Variants in DNAH11 observed in about 807,000 individuals in gnomAD.
The protein encoded by DNAH11 is dynein axonemal heavy chain 11, also known as axonemal beta dynein heavy chain 11.
Under a neutral mutation model 526.0 loss-of-function variants are expected in DNAH11, and 442 were observed. The ratio of observed to expected loss-of-function variants is 0.84; its 90% CI spans 0.78 to 0.91. DNAH11 has a LOEUF of 0.91. DNAH11 is among the 40% of genes least tolerant of loss of function. The probability of loss-of-function intolerance (pLI) is 0.00; values close to 1 mark genes in which losing one functional copy is unlikely to be tolerated. For missense variants in DNAH11, 6,989 were observed against 5,448.7 expected (o/e 1.28, Z -8.90); for synonymous variants, 2,461 against 1,935.9 (o/e 1.27, Z -7.12).
intron 55 of DNAH11, among the ~76,000 whole-genome samples, chr7:21,772,413 A>G (rs11978067): frequency 0.23 from 32,325 of 139,206 alleles, 4,172 homozygotes; most frequent in Admixed American, 0.41. Context: ...TTATTTATCT[A>G]TATTGTAGAA....
chr7:21,896,076 C>T (rs563838577), intron 79 of DNAH11, among the ~76,000 whole-genome samples: 1 of 152,212 alleles, frequency 6.6e-6, no homozygotes, highest in Non-Finnish European at 1.5e-5. Context: ...CAGCTTCCCT[C>T]TGAACATCAA....
chr7:21,786,904 A>G, intron 59 of DNAH11, 137 bp downstream of exon 59: 2 of 1,308,316 alleles, frequency 1.5e-6, no homozygotes, highest in South Asian at 1.5e-5. Flanking sequence ...TCTACTGTAT[A>G]TGTTCTCTAG....
At chr7:21,766,364 T>C (rs1787184872) in intron 55 of DNAH11, among the ~76,000 whole-genome samples, 1 of 152,204 alleles carries the variant, frequency 6.6e-6, no homozygotes, top group South Asian at 2.1e-4. Context: ...ATTGTGGACA[T>C]TTCCCAGGGA....
rs1224054095 is a variant in DNAH11, at chr7:21,704,606, C to T, written c.6446C>T (p.Pro2149Leu). 8 of 1,600,492 alleles carry T rather than the reference C, an allele frequency of 5.0e-6. No individual in the cohort carries two copies. The highest frequency in any genetic ancestry group is 6.8e-6 in the Non-Finnish European group (8 of 1,176,438). Residue 2149 changes from proline (P) to leucine (L), a missense_variant, in exon 38 of 82, where the codon CCT becomes CTT. Physicochemically the swap from Pro to Leu is moderately conservative, Grantham distance 98. Transcript: ENST00000409508. ...RQSTLELRLQ[P>L]EESFILKVVQ... ...TCTACCCTGGAGCTCCGCCTGCAGC[C>T]TGAAGAGAGCTTCATCCTCAAAGTA...
At chr7:21,686,687 T>C (rs542736312) in intron 32 of DNAH11, among the ~76,000 whole-genome samples, 3 of 152,358 alleles carry the variant, frequency 2.0e-5, no homozygotes, top group African/African-American at 4.8e-5. Flanking sequence ...AGCAGTTTAA[T>C]ACAGCCAATG....
At chr7:21,890,053 C>G (rs62445892) in intron 76 of DNAH11, among the ~76,000 whole-genome samples, 4 of 152,120 alleles carry the variant, frequency 2.6e-5, no homozygotes, top group Non-Finnish European at 5.9e-5. Flanking sequence ...ACGAGGAAGA[C>G]CAAAACTTAC....
In DNAH11 at chr7:21,867,881, G is replaced by A; in HGVS notation, c.11713G>A (p.Gly3905Ser). ...TAGAAATTTTGTAGAGGAAAAACTGGGTGCGAAGTATGTGGAGAGGACCAG... is the reference window on the plus strand; with the variant it reads ...TAGAAATTTTGTAGAGGAAAAACTGAGTGCGAAGTATGTGGAGAGGACCAG... ...ALRNFVEEKL[G>S]AKYVERTRLD... Residue 3905 changes from glycine to serine, a missense_variant, in exon 72 of 82, where the codon GGT (glycine) becomes AGT (serine). Physicochemically the swap from Gly to Ser is moderately conservative, Grantham distance 56 (BLOSUM62 0). Transcript: ENST00000409508. 6.3e-7 allele frequency: 1 copy of A among 1,577,062 alleles called. No individual in the cohort carries two copies.
intron 44 of DNAH11, among the ~76,000 whole-genome samples, chr7:21,723,363 G>C (rs145471388): frequency 6.6e-6 from 1 of 152,266 alleles, no homozygotes; most frequent in East Asian, 1.9e-4. Flanking sequence ...TCTAAGCCAG[G>C]TTCAAACAGC....
intron 35 of DNAH11, among the ~76,000 whole-genome samples, chr7:21,694,257 G>A (rs746365898): frequency 6.6e-6 from 1 of 152,158 alleles, no homozygotes; most frequent in Non-Finnish European, 1.5e-5. Flanking sequence ...AGGTATACAT[G>A]TGCAATGGTC....
At chr7:21,822,739 T>G (rs1395833474) in intron 65 of DNAH11, among the ~76,000 whole-genome samples, 1 of 152,156 alleles carries the variant, frequency 6.6e-6, no homozygotes, top group Non-Finnish European at 1.5e-5. Context: ...CCACCAACAA[T>G]GTACAGGTGT....
intron 9 of DNAH11, among the ~76,000 whole-genome samples, chr7:21,583,918 T>A (rs192494388): frequency 3.0e-4 from 45 of 152,200 alleles, no homozygotes; most frequent in Non-Finnish European, 5.7e-4. Flanking sequence ...CATTAAAAAG[T>A]CAGGAAACAA....
At chr7:21,610,921 A>G (rs1240975607) in intron 20 of DNAH11, among the ~76,000 whole-genome samples, 1 of 152,226 alleles carries the variant, frequency 6.6e-6, no homozygotes, top group Admixed American at 6.5e-5. Flanking sequence ...GAGAGAATGA[A>G]CAGAATATAG....
intron 74 of DNAH11, among the ~76,000 whole-genome samples, chr7:21,879,250 G>A (rs771523580): frequency 6.6e-5 from 10 of 151,872 alleles, no homozygotes; most frequent in Middle Eastern, 3.4e-3. Context: ...TCAGGAGTTC[G>A]AGACCACCCT....
rs923568026 is a variant in DNAH11, at chr7:21,588,108, G to C, written c.1755G>C (p.Met585Ile). ...FGNFLEKPVVMEIFSLHYSTL... is the reference protein window; with the variant it reads ...FGNFLEKPVVIEIFSLHYSTL... ...ATTTTCTAGAGAAGCCAGTTGTCAT[G>C]GAAATTTTCAGCCTACATTACAGCA... The change falls in exon 10 of 82, where the codon ATG (methionine) becomes ATC (isoleucine). Residue 585 changes from methionine (M) to isoleucine (I), a missense_variant. Met to Ile is a conservative substitution (Grantham distance 10). Coordinates refer to ENST00000409508, the MANE Select transcript of DNAH11 (RefSeq NM_001277115.2). 1.2e-6 allele frequency: 2 copies of C among 1,613,264 alleles called. No individual in the cohort carries two copies. Among genetic ancestry groups the C allele is most frequent in the Non-Finnish European group, 1.7e-6 (2 of 1,179,674 alleles).
rs115893954 is a variant in DNAH11, at chr7:21,710,410, A to T, written c.6684-143A>T. On this transcript the variant is annotated intron_variant, in intron 40 of 81. Coordinates refer to ENST00000409508, the MANE Select transcript of DNAH11 (RefSeq NM_001277115.2). ...AATAATAGAGGTGAATCTGGAACCC[A>T]TGTGTGGCTGAAAAGGTGTTACACA... 7.9e-4 allele frequency: 488 copies of T among 614,036 alleles called. 4 individuals are homozygous for T. The African/African-American group carries it at 8.5e-3, about 11-fold the overall frequency. The allele number at this position is 614,036 out of a possible 1,614,324, so 38.0% of individuals were successfully genotyped here.
intron 67 of DNAH11, 61 bp downstream of exon 67, chr7:21,852,692 G>A: frequency 6.7e-7 from 1 of 1,489,844 alleles, no homozygotes; most frequent in Non-Finnish European, 8.9e-7. Flanking sequence ...GACATGTGGG[G>A]TGGGCAGTGT....
intron 8 of DNAH11, 101 bp downstream of exon 8, chr7:21,572,074 A>C (rs1783915650): frequency 5.6e-6 from 6 of 1,063,796 alleles, no homozygotes; most frequent in Non-Finnish European, 7.4e-6. Flanking sequence ...CCATTCCAAT[A>C]TCTCTAGGAC....
At chr7:21,616,961 C>T (rs561687756) in intron 22 of DNAH11, among the ~76,000 whole-genome samples, 2 of 152,184 alleles carry the variant, frequency 1.3e-5, no homozygotes, top group Non-Finnish European at 2.9e-5. Context: ...TCTACCCACT[C>T]TCGCCTGTAT....
intron 67 of DNAH11, among the ~76,000 whole-genome samples, chr7:21,853,197 T>A (rs566990286): frequency 6.6e-6 from 1 of 152,330 alleles, no homozygotes; most frequent in Admixed American, 6.5e-5. Context: ...CCAATATGCC[T>A]TATGTGTGAT....
Sources: gnomAD v4.1 joint callset for allele counts (sites outside exome capture counted in the v4.1 genomes callset) on GRCh38, gnomAD v4.1.1 for gene constraint, MANE v1.5 for transcripts, NCBI Gene and HGNC (gene_info 2026-07-23, HGNC 2026-07-21) for gene names.